The following PTPRG variants were observed in gnomAD, a reference collection of about 807,000 sequenced individuals.
PTPRG encodes the protein receptor-type tyrosine-protein phosphatase gamma.
In PTPRG, 102 loss-of-function variants were observed where a neutral mutation model predicts 165.3. That is an observed-to-expected ratio of 0.62 (90% CI 0.53 to 0.73). The LOEUF (loss-of-function observed/expected upper bound fraction) is 0.73. Among genes scored for constraint, PTPRG ranks in the 30% least tolerant of loss-of-function variants. PTPRG has a pLI of 0.00. For missense variants in PTPRG, 1,866 were observed against 1,861.4 expected, an observed-to-expected ratio of 1.00 and a Z score of -0.05; for synonymous variants, 675 against 669.5, an observed-to-expected ratio of 1.01 and a Z score of -0.13.
chr3:62,093,001 C>G (rs140345265), intron 5 of PTPRG, among the ~76,000 whole-genome samples: 162 of 152,298 alleles, frequency 1.1e-3, no homozygotes, highest in African/African-American at 3.7e-3. Context: ...AAACAACTTT[C>G]CTCAATCATG....
intron 4 of PTPRG, among the ~76,000 whole-genome samples, chr3:62,044,932 A>G (rs775997351): frequency 2.0e-5 from 3 of 152,180 alleles, no homozygotes; most frequent in Non-Finnish European, 4.4e-5. Flanking sequence ...CTTTTAATCA[A>G]GACTGAGCAT....
intron 2 of PTPRG, among the ~76,000 whole-genome samples, chr3:61,960,931 C>T (rs566834381): frequency 2.6e-5 from 4 of 152,006 alleles, no homozygotes; most frequent in Non-Finnish European, 5.9e-5. Flanking sequence ...CACTGATCAG[C>T]TGTGTTAACT....
At chr3:62,147,142 A>C (rs1383420905) in intron 6 of PTPRG, among the ~76,000 whole-genome samples, 3 of 152,188 alleles carry the variant, frequency 2.0e-5, no homozygotes, top group Non-Finnish European at 2.9e-5. Context: ...TAGGGTTATG[A>C]AGCTTCACTT....
Position 62,119,109 on chromosome 3 carries a change from A to G in PTPRG, c.616-13493A>G, listed in dbSNP as rs79876744. 2.8e-4 allele frequency among the ~76,000 whole-genome samples: 42 copies of G among 152,312 alleles called. No homozygotes were observed. In the East Asian group the frequency reaches 7.3e-3, roughly 27 times the overall value. ...GCTTCTGGTCCAGTCAAGCGATCAG[A>G]TTTCTAAACAGGTAATTACAATGAA... On this transcript the variant is annotated intron_variant, in intron 5 of 29. Transcript: ENST00000474889.
At chr3:62,241,092 G>C (rs944977772) in intron 14 of PTPRG, among the ~76,000 whole-genome samples, 2 of 151,896 alleles carry the variant, frequency 1.3e-5, no homozygotes, top group Non-Finnish European at 2.9e-5. Context: ...GAAGATTTTG[G>C]GTGTTTTTAA....
chr3:62,078,379 A>G, intron 5 of PTPRG, 121 bp downstream of exon 5: 3 of 625,408 alleles, frequency 4.8e-6, no homozygotes, highest in Non-Finnish European at 8.2e-6. Context: ...CAAATGAAAG[A>G]TATTTCATAT....
intron 4 of PTPRG, among the ~76,000 whole-genome samples, chr3:62,034,647 A>C (rs1699885283): frequency 6.6e-6 from 1 of 152,244 alleles, no homozygotes; most frequent in Non-Finnish European, 1.5e-5. Context: ...GTTCTGATGG[A>C]AACTTGTATA....
At chr3:62,016,325 C>T (rs1389725476) in intron 4 of PTPRG, among the ~76,000 whole-genome samples, 2 of 152,026 alleles carry the variant, frequency 1.3e-5, no homozygotes, top group Non-Finnish European at 2.9e-5. Flanking sequence ...TTCTACTATG[C>T]CCAGCGAATT....
chr3:62,215,554 C>CA (rs900433559), intron 12 of PTPRG, among the ~76,000 whole-genome samples: 3 of 143,250 alleles, frequency 2.1e-5, no homozygotes, highest in Non-Finnish European at 4.6e-5. Context: ...GAACCCCCCC[C>CA]CCCCGCCAAT....
chr3:62,241,193 G>A (rs1195017893), intron 14 of PTPRG, among the ~76,000 whole-genome samples: 1 of 152,154 alleles, frequency 6.6e-6, no homozygotes, highest in Non-Finnish European at 1.5e-5. Flanking sequence ...TTACTCCAGT[G>A]CTTAGCCAGG....
intron 2 of PTPRG, among the ~76,000 whole-genome samples, chr3:61,863,727 G>C (rs940847559): frequency 1.3e-5 from 2 of 152,170 alleles, no homozygotes; most frequent in African/African-American, 2.4e-5. Context: ...CAAGCCTTGG[G>C]TGACTTCAGT....
intron 1 of PTPRG, among the ~76,000 whole-genome samples, chr3:61,671,741 TGGAC>T (rs1702996417): frequency 3.3e-5 from 1 of 29,994 alleles, no homozygotes; most frequent in Non-Finnish European, 5.5e-5. Flanking sequence ...CCTCACCTCC[TGGAC>T]GGGGCGGCTG....
chr3:61,802,007 A>G (rs1292038297), intron 2 of PTPRG, among the ~76,000 whole-genome samples: 1 of 147,882 alleles, frequency 6.8e-6, no homozygotes, highest in African/African-American at 2.5e-5. Context: ...CCTGGCCAAC[A>G]GAGCAAGACT....
At chr3:61,823,812 G>A (rs1443088589) in intron 2 of PTPRG, among the ~76,000 whole-genome samples, 1 of 152,052 alleles carries the variant, frequency 6.6e-6, no homozygotes, top group East Asian at 1.9e-4. Flanking sequence ...CAAATATACT[G>A]ATAATAAATA....
intron 2 of PTPRG, among the ~76,000 whole-genome samples, chr3:61,842,733 G>C (rs1575712975): frequency 6.7e-6 from 1 of 150,316 alleles, no homozygotes; most frequent in Non-Finnish European, 1.5e-5. Context: ...GAAAGTGGCA[G>C]AGTAATATTT....
At position 62,139,562 on chromosome 3, in the gene PTPRG, C is replaced by A. The variant is rs138486346; in HGVS notation, c.682+6894C>A. 1.7e-3 allele frequency among the ~76,000 whole-genome samples: 258 copies of A among 152,308 alleles called. 1 individual carries two copies. The highest frequency in any genetic ancestry group is 3.0e-3 in the Non-Finnish European group (202 of 68,022). Reference sequence around the variant, plus strand: ...GCTGCTCTCTCTCGGTCTTCCCTTCCCTGGCTCTTCCAAGAAAGCTATCAG... The same window carrying A: ...GCTGCTCTCTCTCGGTCTTCCCTTCACTGGCTCTTCCAAGAAAGCTATCAG... On this transcript the variant is annotated intron_variant, in intron 6 of 29. Coordinates refer to ENST00000474889, the MANE Select transcript of PTPRG (RefSeq NM_002841.4).
At chr3:62,084,498 C>CA (rs144910007) in intron 5 of PTPRG, among the ~76,000 whole-genome samples, 7,042 of 152,280 alleles carry the variant, frequency 0.046, 551 homozygotes, top group African/African-American at 0.16. Flanking sequence ...CTTCAGAACT[C>CA]AAATGCTTTG....
intron 4 of PTPRG, among the ~76,000 whole-genome samples, chr3:62,075,178 A>G (rs2106742735): frequency 6.6e-6 from 1 of 152,310 alleles, no homozygotes. Context: ...AATGCCCTTG[A>G]AGAGGTCTTA....
intron 1 of PTPRG, among the ~76,000 whole-genome samples, chr3:61,631,553 A>G (rs535488271): frequency 6.6e-5 from 10 of 152,180 alleles, no homozygotes; most frequent in East Asian, 1.9e-4. Flanking sequence ...AGCTCCATCC[A>G]TGGTTTCAGG....
Sources: gnomAD v4.1 joint callset for allele counts (sites outside exome capture counted in the v4.1 genomes callset) on GRCh38, gnomAD v4.1.1 for gene constraint, MANE v1.5 for transcripts, NCBI Gene and HGNC (gene_info 2026-07-23, HGNC 2026-07-21) for gene names.